Variants in TTC21B observed in about 807,000 individuals in gnomAD.
TTC21B encodes tetratricopeptide repeat protein 21B.
A neutral mutation model predicts 175.1 loss-of-function variants in TTC21B; 127 were observed. That is an observed-to-expected ratio of 0.73 (90% CI 0.63 to 0.84). The LOEUF is 0.84. TTC21B is among the 40% of genes least tolerant of loss of function. The probability of loss-of-function intolerance (pLI) is 0.00; values close to 1 mark genes in which losing one functional copy is unlikely to be tolerated. For missense variants in TTC21B, 1,561 were observed against 1,558.3 expected (o/e 1.00, Z -0.03); for synonymous variants, 524 against 524.5 (o/e 1.00, Z 0.01).
intron 27 of TTC21B, among the ~76,000 whole-genome samples, chr2:165,877,130 T>G (rs1684690332): frequency 6.6e-6 from 1 of 152,154 alleles, no homozygotes; most frequent in Non-Finnish European, 1.5e-5. Flanking sequence ...ACAGCAGCTG[T>G]GCACGCAGTA....
Position 165,919,260 on chromosome 2 carries a change from AGT to A in TTC21B, c.1674+14_1674+15del. 1 of 1,613,622 alleles carries A rather than the reference AGT, an allele frequency of 6.2e-7. No homozygotes were observed. The highest frequency in any genetic ancestry group is 8.5e-7 in the Non-Finnish European group (1 of 1,179,610). ...GAGGGTGATATGTCTTATCCACTTC[AGT>A]CTGGAATACTTACCTTAAAATCATA... On this transcript the variant is annotated intron_variant, in intron 13 of 28. Transcript: ENST00000243344.
In TTC21B at chr2:165,919,375, A is replaced by G. The variant is rs199559023; in HGVS notation, c.1575T>C (p.Tyr525=). Residue 525 remains tyrosine, a synonymous_variant, in exon 13 of 29, where the codon TAT becomes TAC. Transcript: ENST00000243344. ...LQHCLEHNPS[Y]ADAHLLLAQV... ...GAGCTAGCAGCAGATGAGCATCAGC[A>G]TAAGAGGGATTGTGTTCTAAGCAGT... The G allele has an allele frequency of 2.7e-5, 44 of 1,614,154 alleles. 1 individual carries two copies. The South Asian group carries it at 4.1e-4, about 15-fold the overall frequency.
At chr2:165,930,730 GGGGTGTGTGTGTGTGT>G (rs1391248944) in intron 8 of TTC21B, among the ~76,000 whole-genome samples, 3 of 78,266 alleles carry the variant, frequency 3.8e-5, no homozygotes, top group Non-Finnish European at 8.9e-5. Context: ...CGTGGGTATG[GGGGTGTGTGTGTGTGT>G]GTGTGTGTGT....
chr2:165,928,951 T>C (rs1574118915), intron 11 of TTC21B, 184 bp downstream of exon 11: 1 of 610,316 alleles, frequency 1.6e-6, no homozygotes, highest in East Asian at 2.9e-5. Context: ...AAACCAATAC[T>C]TTCAGTAGTT....
Position 165,931,780 on chromosome 2 carries a change from A to G in TTC21B, c.872T>C (p.Ile291Thr). The stretch of plus-strand genomic sequence containing the variant: ...CACAGTTCTGCTGAAGGCGAGTGTA[A>G]TGTTATAGAAAAGTTGAGCATTCTG... ...EPQNAQLFYNITLAFSRTCGR... is the reference protein window; with the variant it reads ...EPQNAQLFYNTTLAFSRTCGR... Residue 291 changes from isoleucine (I) to threonine (T), a missense_variant, in exon 8 of 29, where the codon ATT (isoleucine) becomes ACT (threonine). Transcript: ENST00000243344. The G allele has an allele frequency of 1.9e-6, 3 of 1,613,456 alleles. No individual in the cohort carries two copies. The highest frequency in any genetic ancestry group is 2.5e-6 in the Non-Finnish European group (3 of 1,179,492).
At chr2:165,891,241 C>T (rs1685182137) in intron 22 of TTC21B, among the ~76,000 whole-genome samples, 2 of 151,998 alleles carry the variant, frequency 1.3e-5, no homozygotes, top group South Asian at 2.1e-4. Context: ...TTTCTTGTAG[C>T]TTTTCTATTG....
intron 1 of TTC21B, among the ~76,000 whole-genome samples, chr2:165,951,719 T>A (rs944396453): frequency 6.6e-6 from 1 of 152,176 alleles, no homozygotes; most frequent in Non-Finnish European, 1.5e-5. Context: ...CTACTATGAA[T>A]AGAAAAATGA....
chr2:165,941,898 T>C (rs1234766609), intron 5 of TTC21B, among the ~76,000 whole-genome samples: 2 of 152,326 alleles, frequency 1.3e-5, no homozygotes, highest in Non-Finnish European at 1.5e-5. Context: ...TTATTTCCAA[T>C]GGTGATGCTC....
At chr2:165,891,009 A>G in intron 22 of TTC21B, 21 bp from the exon 23 acceptor site, 1 of 1,588,710 alleles carries the variant, frequency 6.3e-7, no homozygotes, top group South Asian at 1.1e-5. Context: ...ATAATACTTC[A>G]GATATGGGCA....
chr2:165,919,152 A>G (rs1553512158), intron 13 of TTC21B, 124 bp downstream of exon 13: 1 of 1,163,942 alleles, frequency 8.6e-7, no homozygotes. Flanking sequence ...TGTGAGTTCC[A>G]TTTTTTTTTC....
intron 22 of TTC21B, among the ~76,000 whole-genome samples, chr2:165,896,700 G>C (rs1476060077): frequency 6.6e-6 from 1 of 152,136 alleles, no homozygotes; most frequent in Non-Finnish European, 1.5e-5. Flanking sequence ...CCGGGAAGTA[G>C]AAACAGCAAA....
At chr2:165,934,517 A>AAAAAAAAAAAAAAAAAAAAAAAG (rs1553514802) in intron 6 of TTC21B, among the ~76,000 whole-genome samples, 1 of 116,526 alleles carries the variant, frequency 8.6e-6, no homozygotes, top group African/African-American at 3.2e-5. Context: ...AAAAAAAAAA[A>AAAAAAAAAAAAAAAAAAAAAAAG]AAAAGAAAAG....
chr2:165,880,645 T>G (rs769455906), intron 27 of TTC21B, 34 bp downstream of exon 27: 67 of 1,611,704 alleles, frequency 4.2e-5, no homozygotes, highest in Non-Finnish European at 5.7e-5. Context: ...AACATAATTT[T>G]TCTGTGAAAA....
In TTC21B at chr2:165,945,632, TCCAGCTC is replaced by T; in HGVS notation, c.314_320del (p.Gly105GlufsTer28). 1 of 1,613,812 alleles carries T rather than the reference TCCAGCTC, an allele frequency of 6.2e-7. No homozygotes were observed. The highest frequency in any genetic ancestry group is 1.1e-5 in the South Asian group (1 of 91,080). On this transcript the variant is annotated frameshift_variant, in exon 4 of 29. Transcript: ENST00000243344. LOFTEE classifies it high-confidence loss of function. ...AGCCTGCATGGTATAAGGCTTTCTC[TCCAGCTC>T]CTTTACGTTGTTCCTTCACTCTGGC...
intron 16 of TTC21B, among the ~76,000 whole-genome samples, chr2:165,912,851 G>A (rs1241297004): frequency 2.6e-5 from 4 of 152,120 alleles, no homozygotes; most frequent in African/African-American, 4.8e-5. Context: ...CTGTGCTCTT[G>A]TCTATATAAA....
rs140384742 is a variant in TTC21B at position 165,880,687 on chromosome 2, G to A, written c.3797C>T (p.Pro1266Leu). ...MAWKYSNRTNPAVGYKLAFNY... is the reference protein window; with the variant it reads ...MAWKYSNRTNLAVGYKLAFNY... ...GTGATTGCCAAACTCACCTACTGCC[G>A]GATTTGTCCGATTGCTATATTTCCA... The change falls in exon 27 of 29, where the codon CCG (proline) becomes CTG (leucine). Residue 1266 changes from proline (P) to leucine (L), a missense_variant. Physicochemically the swap from Pro to Leu is moderately conservative, Grantham distance 98. Coordinates refer to ENST00000243344, the MANE Select transcript of TTC21B (RefSeq NM_024753.5). 326 of 1,613,312 alleles carry A rather than the reference G, an allele frequency of 2.0e-4. No homozygotes were observed. In the East Asian group the frequency reaches 2.1e-3, roughly 10 times the overall value.
chr2:165,929,011 C>T (rs1339413995), intron 11 of TTC21B, 124 bp downstream of exon 11: 3 of 861,810 alleles, frequency 3.5e-6, no homozygotes, highest in Non-Finnish European at 1.9e-6. Flanking sequence ...TTTCAACTAA[C>T]ATAGGTACAA....
At chr2:165,886,862 AT>A (rs1410013585) in intron 25 of TTC21B, among the ~76,000 whole-genome samples, 1 of 152,178 alleles carries the variant, frequency 6.6e-6, no homozygotes, top group Non-Finnish European at 1.5e-5. Flanking sequence ...ATTCTCTTAG[AT>A]GTACATGATT....
intron 3 of TTC21B, chr2:165,947,292 C>A (rs533854025): frequency 2.0e-5 from 3 of 149,316 alleles, no homozygotes; most frequent in Admixed American, 1.3e-4. Flanking sequence ...ATGTAAGTTG[C>A]GGCCTGTGAT....
Sources: allele counts gnomAD v4.1 joint callset (sites outside exome capture counted in the v4.1 genomes callset), GRCh38; gene constraint gnomAD v4.1.1; transcripts MANE v1.5; gene names NCBI Gene and HGNC (gene_info 2026-07-23, HGNC 2026-07-21).